The following DSG4 variants were observed in gnomAD, a reference collection of about 807,000 sequenced individuals.
The protein encoded by DSG4 is desmoglein-4.
Under a neutral mutation model 93.1 loss-of-function variants are expected in DSG4, and 87 were observed. That is an observed-to-expected ratio of 0.93 (90% CI 0.79 to 1.12). The LOEUF (loss-of-function observed/expected upper bound fraction) is 1.12, where lower values mean the gene tolerates loss of function less well. DSG4 is among the 50% of genes most tolerant of loss of function. The pLI is 0.00. For missense variants in DSG4, 1,373 were observed against 1,285.7 expected, an observed-to-expected ratio of 1.07 and a Z score of -1.04; for synonymous variants, 432 against 452.9, an observed-to-expected ratio of 0.95 and a Z score of 0.59.
At chr18:31,401,403 A>G (rs941169595) in intron 10 of DSG4, among the ~76,000 whole-genome samples, 3 of 152,176 alleles carry the variant, frequency 2.0e-5, no homozygotes, top group Non-Finnish European at 4.4e-5. Context: ...GTGGGAAAGC[A>G]ATGTCTCCAA....
At chr18:31,395,292 G>A (rs1257576513) in intron 8 of DSG4, among the ~76,000 whole-genome samples, 1 of 148,912 alleles carries the variant, frequency 6.7e-6, no homozygotes, top group Non-Finnish European at 1.5e-5. Flanking sequence ...AAAAGCTATT[G>A]AAATATCAAT....
At position 31,409,463 on chromosome 18, in the gene DSG4, T is replaced by C. The variant is rs747734057; in HGVS notation, c.1945T>C (p.Leu649=). 6.2e-7 allele frequency: 1 copy of C among 1,614,178 alleles called. No individual in the cohort carries two copies. Among genetic ancestry groups the C allele is most frequent in the African/African-American group, 1.3e-5 (1 of 75,054 alleles). The change falls in exon 13 of 16, where the codon TTG becomes CTG. Residue 649 remains leucine (L), a synonymous_variant. Transcript: ENST00000308128. ...GILLLILAPL[L]LLLCCCKQRQ... is the part of the protein sequence containing the mutation. ...ACTTTCTTGGGCAGTGGCTCCACTC[T>C]TGCTGCTCCTGTGTTGCTGCAAACA...
chr18:31,411,050 C>G, intron 14 of DSG4, 181 bp from the exon 15 acceptor site: 1 of 1,502,638 alleles, frequency 6.7e-7, no homozygotes, highest in Non-Finnish European at 8.9e-7. Context: ...AATTAATTTA[C>G]TTTTATTTGG....
intron 1 of DSG4, among the ~76,000 whole-genome samples, chr18:31,384,198 G>C (rs1040988234): frequency 6.6e-5 from 10 of 151,932 alleles, no homozygotes; most frequent in African/African-American, 2.4e-4. Flanking sequence ...TTTCATCCCT[G>C]TGTTTTCAAT....
chr18:31,400,771 A>G, intron 9 of DSG4, 110 bp from the exon 10 acceptor site: 2 of 1,153,524 alleles, frequency 1.7e-6, no homozygotes, highest in Non-Finnish European at 1.3e-6. Context: ...AATCATCACT[A>G]TAAAACATAA....
chr18:31,409,537 C>T lies in DSG4; in HGVS notation c.2019C>T (p.Gly673=), dbSNP rs143288405. 632 of 1,613,924 alleles carry T rather than the reference C, an allele frequency of 3.9e-4. 1 individual carries two copies. Among genetic ancestry groups the T allele is most frequent in the Non-Finnish European group, 5.0e-4 (585 of 1,180,008 alleles). The change falls in exon 13 of 16, where the codon GGC becomes GGT. Residue 673 remains glycine, a synonymous_variant. Transcript: ENST00000308128. ...LGTRFAPVPE[G]GEGVMQSWRI... ...CAAGATTTGCTCCTGTGCCTGAGGG[C>T]GGAGAAGGAGTGATGCAGTCTTGGA...
At chr18:31,395,795 G>A (rs1298395109) in intron 8 of DSG4, among the ~76,000 whole-genome samples, 2 of 152,156 alleles carry the variant, frequency 1.3e-5, no homozygotes, top group Admixed American at 1.3e-4. Flanking sequence ...GAGTCCAGGA[G>A]TTCGAGACCA....
Position 31,413,528 on chromosome 18 carries a change from C to A in DSG4, c.3056C>A (p.Ser1019Tyr), listed in dbSNP as rs1350133045. 1 of 1,613,880 alleles carries A rather than the reference C, an allele frequency of 6.2e-7. No individual in the cohort carries two copies. The highest frequency in any genetic ancestry group is 1.3e-5 in the African/African-American group (1 of 74,856). Residue 1019 changes from serine to tyrosine, a missense_variant, in exon 16 of 16, where the codon TCC (serine) becomes TAC (tyrosine). By Grantham distance (144) the Ser-to-Tyr change is moderately radical. Transcript: ENST00000308128. ...PDLPIGQTVG[S>Y]TSPMTSRHRV... ...CTTCCCATAGGCCAAACCGTTGGCT[C>A]CACATCCCCCATGACATCTCGACAC...
At chr18:31,400,743 C>A in intron 9 of DSG4, 138 bp from the exon 10 acceptor site, 1 of 824,094 alleles carries the variant, frequency 1.2e-6, no homozygotes, top group Non-Finnish European at 1.9e-6. Context: ...TATATATGTA[C>A]TTTTTATAAA....
At chr18:31,397,125 A>G (rs2072314244) in intron 8 of DSG4, among the ~76,000 whole-genome samples, 1 of 152,202 alleles carries the variant, frequency 6.6e-6, no homozygotes. Context: ...GCAGTGTCAT[A>G]TTAAATTAGA....
chr18:31,413,702 C>A lies in DSG4; in HGVS notation c.*107C>A. ...TATATATTAATAGTCAACAAATACT[C>A]AGATATTCTAAGGTCAATGCCATTA... is the stretch of plus-strand genomic sequence containing the variant. On this transcript the variant is annotated 3_prime_UTR_variant, in exon 16 of 16. Coordinates refer to ENST00000308128, the MANE Select transcript of DSG4 (RefSeq NM_177986.5). 3 of 1,412,652 alleles carry A rather than the reference C, an allele frequency of 2.1e-6. No individual in the cohort carries two copies. The highest frequency in any genetic ancestry group is 1.2e-5 in the South Asian group (1 of 83,166). 87.5% of individuals were successfully genotyped at this position (1,412,652 alleles called of 1,614,324 possible). A position where few individuals can be genotyped will look rare whatever the true frequency, so the allele number is the denominator to read the frequency against.
intron 8 of DSG4, among the ~76,000 whole-genome samples, chr18:31,396,133 A>G (rs188782680): frequency 7.0e-4 from 107 of 152,220 alleles, no homozygotes; most frequent in African/African-American, 2.4e-3. Flanking sequence ...GTGTGTGTAT[A>G]TATATATACA....
chr18:31,390,608 T>C (rs1227515437), intron 5 of DSG4, 48 bp from the exon 6 acceptor site: 8 of 1,609,802 alleles, frequency 5.0e-6, no homozygotes, highest in Non-Finnish European at 6.8e-6. Flanking sequence ...ATTTGCTGAA[T>C]TTATTCTAAG....
chr18:31,407,383 G>A (rs922362858), intron 12 of DSG4, among the ~76,000 whole-genome samples: 2 of 152,196 alleles, frequency 1.3e-5, no homozygotes, highest in South Asian at 2.1e-4. Flanking sequence ...TGGGCTCTGG[G>A]TGAGTGCCTA....
chr18:31,395,690 G>A (rs2072298103), intron 8 of DSG4, among the ~76,000 whole-genome samples: 1 of 152,134 alleles, frequency 6.6e-6, no homozygotes, highest in Non-Finnish European at 1.5e-5. Flanking sequence ...CCTTCTCTTA[G>A]TCTGAGGAAA....
intron 7 of DSG4, among the ~76,000 whole-genome samples, chr18:31,391,675 C>CA (rs1473245189): frequency 3.4e-5 from 5 of 148,860 alleles, no homozygotes; most frequent in Middle Eastern, 3.4e-3. Flanking sequence ...AAAAAAAAAA[C>CA]AAAAAAACAA....
chr18:31,376,929 C>A lies in DSG4; in HGVS notation c.18C>A (p.Phe6Leu), dbSNP rs756176296. The change falls in exon 1 of 16, where the codon TTC (phenylalanine) becomes TTA (leucine). Residue 6 changes from phenylalanine (F) to leucine (L), a missense_variant. Transcript: ENST00000308128. MDWLFFRNICLLIILM... is the reference protein window; with the variant it reads MDWLFLRNICLLIILM... ...CCAAAGGAATGGATTGGCTCTTCTT[C>A]AGAAACATTTGCCTTTTGATCATTC... The A allele has an allele frequency of 5.6e-6, 9 of 1,613,646 alleles. No homozygotes were observed. In the East Asian group the frequency reaches 2.0e-4, roughly 36 times the overall value.
At chr18:31,392,414 C>T (rs1300300382) in intron 8 of DSG4, 74 bp downstream of exon 8, 4 of 1,480,844 alleles carry the variant, frequency 2.7e-6, no homozygotes, top group African/African-American at 1.4e-5. Flanking sequence ...ACCTTAGAGA[C>T]AGAATCTGCC....
intron 8 of DSG4, among the ~76,000 whole-genome samples, chr18:31,393,354 G>A (rs1473239839): frequency 8.5e-5 from 13 of 152,136 alleles, no homozygotes; most frequent in Admixed American, 8.5e-4. Flanking sequence ...AATTTATAAA[G>A]AAAAGAGGTT....
Sources: gnomAD v4.1 joint callset for allele counts (sites outside exome capture counted in the v4.1 genomes callset) on GRCh38, gnomAD v4.1.1 for gene constraint, MANE v1.5 for transcripts, NCBI Gene and HGNC (gene_info 2026-07-23, HGNC 2026-07-21) for gene names.